TMEM135: variants seen among roughly 807,000 people sequenced by gnomAD.
The protein encoded by TMEM135 is peroxisomal membrane protein 52.
Under a neutral mutation model 60.3 loss-of-function variants are expected in TMEM135, and 30 were observed. The ratio of observed to expected loss-of-function variants is 0.50; its 90% CI spans 0.37 to 0.68. TMEM135 has a LOEUF of 0.68. Among genes scored for constraint, TMEM135 ranks in the 30% least tolerant of loss-of-function variants. TMEM135 has a pLI of 0.00. For missense variants in TMEM135, 468 were observed against 548.8 expected (o/e 0.85, Z 1.47); for synonymous variants, 190 against 186.7 (o/e 1.02, Z -0.14).
intron 10 of TMEM135, among the ~76,000 whole-genome samples, chr11:87,310,041 G>A (rs1044672885): frequency 2.6e-5 from 4 of 151,814 alleles, no homozygotes; most frequent in African/African-American, 9.7e-5. Context: ...TTTACTGCCT[G>A]GTTATTAATT....
At chr11:87,202,747 A>T (rs1326929692) in intron 5 of TMEM135, among the ~76,000 whole-genome samples, 1 of 148,514 alleles carries the variant, frequency 6.7e-6, no homozygotes, top group Admixed American at 6.7e-5. Context: ...AAAAAAAAAA[A>T]GCAGACCGGG....
intron 5 of TMEM135, among the ~76,000 whole-genome samples, chr11:87,214,990 A>G (rs939856448): frequency 1.3e-5 from 2 of 152,148 alleles, no homozygotes; most frequent in African/African-American, 2.4e-5. Flanking sequence ...TTTAAGATCA[A>G]TAGAATTTGT....
At chr11:87,302,947 A>G (rs571009124) in intron 8 of TMEM135, among the ~76,000 whole-genome samples, 10 of 152,368 alleles carry the variant, frequency 6.6e-5, no homozygotes, top group African/African-American at 2.4e-4. Flanking sequence ...TTTCATTTAT[A>G]TTTCTAGGAT....
chr11:87,216,561 G>C (rs938422932), intron 5 of TMEM135, among the ~76,000 whole-genome samples: 1 of 152,066 alleles, frequency 6.6e-6, no homozygotes, highest in African/African-American at 2.4e-5. Context: ...CTCAGGCAGA[G>C]CATTTCTGCA....
chr11:87,210,511 A>T lies in TMEM135; in HGVS notation c.463-26127A>T, dbSNP rs965927107. On this transcript the variant is annotated intron_variant, in intron 5 of 14. Transcript: ENST00000305494. Reference sequence around the variant, plus strand: ...TACTGATGATGAGTTCCCAAAATTGAATCAGTAATAAAAAGCTTACTGACC... The same window carrying T: ...TACTGATGATGAGTTCCCAAAATTGTATCAGTAATAAAAAGCTTACTGACC... Among the ~76,000 whole-genome samples the T allele has an allele frequency of 2.0e-5, 3 of 152,146 alleles. No homozygotes were observed. The East Asian group carries it at 5.8e-4, about 29-fold the overall frequency.
At chr11:87,291,834 TC>T (rs1453180389) in intron 6 of TMEM135, among the ~76,000 whole-genome samples, 4 of 152,124 alleles carry the variant, frequency 2.6e-5, no homozygotes, top group Admixed American at 1.3e-4. Flanking sequence ...TGAGCCACCG[TC>T]CCCGGCCTCA....
chr11:87,180,042 A>G (rs1379157569), intron 5 of TMEM135, among the ~76,000 whole-genome samples: 1 of 152,206 alleles, frequency 6.6e-6, no homozygotes, highest in East Asian at 1.9e-4. Context: ...ATGCAGACAG[A>G]AGAATCCTCT....
At chr11:87,202,145 C>A (rs1045867368) in intron 5 of TMEM135, among the ~76,000 whole-genome samples, 1 of 152,122 alleles carries the variant, frequency 6.6e-6, no homozygotes, top group Non-Finnish European at 1.5e-5. Flanking sequence ...CCTGCCTCAG[C>A]CCCCCAAGTA....
rs77938880 is a variant in TMEM135, at chr11:87,197,110, T to G, written c.463-39528T>G. Among the ~76,000 whole-genome samples, 1,370 of 152,222 alleles carry G rather than the reference T, an allele frequency of 9.0e-3. 6 individuals are homozygous for G. The highest frequency in any genetic ancestry group is 0.012 in the Non-Finnish European group (849 of 67,936). On this transcript the variant is annotated intron_variant, in intron 5 of 14. Transcript: ENST00000305494. ...AACAGCATTAAAATTTTTACTTTTTTTCTTTAGAAAAAAATACAAGATGTC... is the reference window on the plus strand; with the variant it reads ...AACAGCATTAAAATTTTTACTTTTTGTCTTTAGAAAAAAATACAAGATGTC...
chr11:87,309,431 ATGG>A, intron 9 of TMEM135, 71 bp from the exon 10 acceptor site: 1 of 1,475,776 alleles, frequency 6.8e-7, no homozygotes, highest in East Asian at 2.3e-5. Context: ...CTATTTTGAG[ATGG>A]TAAAATTCGT....
chr11:87,155,521 C>A (rs532870560), intron 4 of TMEM135, among the ~76,000 whole-genome samples: 1 of 152,170 alleles, frequency 6.6e-6, no homozygotes, highest in Non-Finnish European at 1.5e-5. Flanking sequence ...AGGTCCATTG[C>A]CCAATGTGTG....
chr11:87,212,773 G>A (rs1940403203), intron 5 of TMEM135, among the ~76,000 whole-genome samples: 1 of 150,566 alleles, frequency 6.6e-6, no homozygotes, highest in Non-Finnish European at 1.5e-5. Flanking sequence ...TAGTGAGCTG[G>A]GATCATACCA....
intron 2 of TMEM135, 102 bp downstream of exon 2, chr11:87,067,923 C>T (rs1253652531): frequency 2.1e-6 from 3 of 1,431,890 alleles, no homozygotes; most frequent in East Asian, 4.7e-5. Flanking sequence ...TATCCCCGCC[C>T]CCCCTTTTTT....
intron 6 of TMEM135, 40 bp downstream of exon 6, chr11:87,236,724 A>G (rs1941004829): frequency 2.6e-6 from 4 of 1,560,850 alleles, no homozygotes; most frequent in African/African-American, 2.7e-5. Flanking sequence ...TACCCCAAAC[A>G]GTATCTCTTT....
chr11:87,064,663 G>A (rs1452497924), intron 1 of TMEM135, among the ~76,000 whole-genome samples: 4 of 152,084 alleles, frequency 2.6e-5, no homozygotes, highest in Admixed American at 6.6e-5. Context: ...TGGGCGGATC[G>A]CCTGAGATCA....
chr11:87,169,528 C>T (rs538804926), intron 5 of TMEM135, among the ~76,000 whole-genome samples: 3 of 152,004 alleles, frequency 2.0e-5, no homozygotes, highest in Admixed American at 6.6e-5. Flanking sequence ...ATTTGCTTGT[C>T]TGTAAAGGAT....
chr11:87,223,487 A>G lies in TMEM135; in HGVS notation c.463-13151A>G, dbSNP rs377650975. On this transcript the variant is annotated intron_variant, in intron 5 of 14. Coordinates refer to ENST00000305494, the MANE Select transcript of TMEM135 (RefSeq NM_022918.4). The stretch of plus-strand genomic sequence containing the variant: ...GGCCCGGCCTGAAAAGCACTTCTAC[A>G]GTTCATCTGATTCAGAATTTAAGTG... Among the ~76,000 whole-genome samples the G allele has an allele frequency of 5.3e-5, 8 of 152,090 alleles. No homozygotes were observed. In the East Asian group the frequency reaches 1.5e-3, roughly 29 times the overall value.
chr11:87,074,069 G>C (rs1026564102), intron 3 of TMEM135, among the ~76,000 whole-genome samples: 1 of 152,006 alleles, frequency 6.6e-6, no homozygotes, highest in Non-Finnish European at 1.5e-5. Flanking sequence ...GGGTTCAAAC[G>C]GTTTTCCTGT....
intron 6 of TMEM135, among the ~76,000 whole-genome samples, chr11:87,266,893 G>A (rs1453878958): frequency 6.6e-6 from 1 of 152,190 alleles, no homozygotes; most frequent in East Asian, 1.9e-4. Context: ...GTTTTGTTGT[G>A]TGGTTTTCTC....
Sources: gnomAD v4.1 joint callset for allele counts (sites outside exome capture counted in the v4.1 genomes callset) on GRCh38, gnomAD v4.1.1 for gene constraint, MANE v1.5 for transcripts, NCBI Gene and HGNC (gene_info 2026-07-23, HGNC 2026-07-21) for gene names.